The following MAGI2 variants were observed in gnomAD, a reference collection of about 807,000 sequenced individuals.
MAGI2 encodes the protein membrane-associated guanylate kinase, WW and PDZ domain-containing protein 2.
MAGI2 carries 35 observed loss-of-function variants against 133.3 expected under a neutral mutation model. The observed-to-expected ratio is 0.26, with a 90% CI of 0.20 to 0.35. The LOEUF is 0.35. MAGI2 is among the 10% of genes least tolerant of loss of function. The pLI, the probability that MAGI2 is intolerant of heterozygous loss-of-function variation, is 1.00. For missense variants in MAGI2, 1,636 were observed against 1,863.4 expected, an observed-to-expected ratio of 0.88 and a Z score of 2.25; for synonymous variants, 729 against 710.6, an observed-to-expected ratio of 1.03 and a Z score of -0.41.
At chr7:79,185,595 A>T (rs1189338529) in intron 1 of MAGI2, among the ~76,000 whole-genome samples, 1 of 150,604 alleles carries the variant, frequency 6.6e-6, no homozygotes, top group Non-Finnish European at 1.5e-5. Flanking sequence ...AAATGAATGA[A>T]TTAATCAATG....
At position 78,886,922 on chromosome 7, in the gene MAGI2, T is replaced by C. The variant is rs181894807; in HGVS notation, c.418+120168A>G. Among the ~76,000 whole-genome samples, 17 of 152,234 alleles carry C rather than the reference T, an allele frequency of 1.1e-4. No homozygotes were observed. The East Asian group carries it at 2.3e-3, about 21-fold the overall frequency. On this transcript the variant is annotated intron_variant, in intron 2 of 21. Transcript: ENST00000354212. ...TGAATCATGGGGGGAGTCCCCACCA[T>C]GGTATTCTCATGATGGTGAGTTCTC...
intron 1 of MAGI2, among the ~76,000 whole-genome samples, chr7:79,135,777 C>T (rs565123654): frequency 6.6e-6 from 1 of 151,546 alleles, no homozygotes; most frequent in Admixed American, 6.6e-5. Context: ...TCTGTCTCTA[C>T]AAAAATTTAA....
At chr7:78,492,899 A>C (rs1793751426) in intron 5 of MAGI2, among the ~76,000 whole-genome samples, 1 of 152,194 alleles carries the variant, frequency 6.6e-6, no homozygotes, top group South Asian at 2.1e-4. Flanking sequence ...GATATTTTTT[A>C]GGAACTTTGA....
At chr7:78,959,401 A>T (rs903585053) in intron 2 of MAGI2, among the ~76,000 whole-genome samples, 12 of 151,114 alleles carry the variant, frequency 7.9e-5, no homozygotes, top group East Asian at 3.9e-4. Context: ...ATAATAAATT[A>T]AAAAAAAATC....
intron 20 of MAGI2, among the ~76,000 whole-genome samples, chr7:78,114,051 T>C (rs1342760730): frequency 1.3e-5 from 2 of 152,194 alleles, no homozygotes; most frequent in African/African-American, 4.8e-5. Flanking sequence ...CAGGGTAACT[T>C]GTTCAGGTCA....
chr7:79,005,747 T>C (rs929478901), intron 2 of MAGI2, among the ~76,000 whole-genome samples: 2 of 152,174 alleles, frequency 1.3e-5, no homozygotes, highest in African/African-American at 4.8e-5. Context: ...CGTCCACCCG[T>C]TACCTTATAA....
intron 2 of MAGI2, among the ~76,000 whole-genome samples, chr7:78,806,031 G>C (rs964711444): frequency 2.6e-5 from 4 of 152,138 alleles, no homozygotes; most frequent in African/African-American, 9.7e-5. Context: ...GTTGTAAACT[G>C]TTTGTGTTAT....
intron 2 of MAGI2, among the ~76,000 whole-genome samples, chr7:78,944,106 C>T (rs1197595021): frequency 6.6e-6 from 1 of 152,160 alleles, no homozygotes; most frequent in Non-Finnish European, 1.5e-5. Context: ...CAGCATTAGC[C>T]TATAAGCCAG....
At chr7:78,835,121 G>GTTTACTCTATGTT (rs1791503108) in intron 2 of MAGI2, among the ~76,000 whole-genome samples, 1 of 152,172 alleles carries the variant, frequency 6.6e-6, no homozygotes. Flanking sequence ...AGGTCATATA[G>GTTTACTCTATGTT]TAACTCTATG....
intron 3 of MAGI2, among the ~76,000 whole-genome samples, chr7:78,547,217 T>A (rs1417626276): frequency 6.6e-6 from 1 of 152,144 alleles, no homozygotes; most frequent in Non-Finnish European, 1.5e-5. Flanking sequence ...TTGAAATAAA[T>A]GTGAACTATA....
At chr7:78,590,610 A>T (rs951127872) in intron 3 of MAGI2, among the ~76,000 whole-genome samples, 1 of 152,256 alleles carries the variant, frequency 6.6e-6, no homozygotes, top group Non-Finnish European at 1.5e-5. Context: ...GGTTTTCCTT[A>T]TAACTAAAAT....
At chr7:78,932,122 G>A (rs1800177715) in intron 2 of MAGI2, among the ~76,000 whole-genome samples, 1 of 151,806 alleles carries the variant, frequency 6.6e-6, no homozygotes, top group South Asian at 2.1e-4. Flanking sequence ...CCCCATGGAA[G>A]CACCCTCACA....
chr7:78,448,490 C>T (rs984426920), intron 6 of MAGI2, among the ~76,000 whole-genome samples: 7 of 151,540 alleles, frequency 4.6e-5, no homozygotes, highest in African/African-American at 1.7e-4. Context: ...AAATGAATTA[C>T]TCTGAGCAAG....
intron 4 of MAGI2, among the ~76,000 whole-genome samples, chr7:78,505,671 A>T (rs1278271737): frequency 6.6e-6 from 1 of 152,250 alleles, no homozygotes; most frequent in Non-Finnish European, 1.5e-5. Flanking sequence ...AGAGTGAACA[A>T]GAGATACATT....
chr7:78,599,293 G>C (rs1804938373), intron 3 of MAGI2, among the ~76,000 whole-genome samples: 1 of 151,856 alleles, frequency 6.6e-6, no homozygotes. Context: ...AATTATTTCT[G>C]TGCCTCGTAT....
At chr7:79,052,556 G>T (rs535180534) in intron 1 of MAGI2, among the ~76,000 whole-genome samples, 1 of 152,276 alleles carries the variant, frequency 6.6e-6, no homozygotes, top group Non-Finnish European at 1.5e-5. Context: ...TTTCCACACT[G>T]CATCTCATTG....
chr7:78,497,773 T>TGTCTGTCTGTCTATC (rs1794259068), intron 5 of MAGI2, among the ~76,000 whole-genome samples: 8 of 151,674 alleles, frequency 5.3e-5, no homozygotes, highest in African/African-American at 7.3e-5. Flanking sequence ...TCTTTCTATC[T>TGTCTGTCTGTCTATC]TATACACAGA....
chr7:79,259,460 C>T (rs182332157), intron 1 of MAGI2, among the ~76,000 whole-genome samples: 40 of 152,228 alleles, frequency 2.6e-4, no homozygotes, highest in African/African-American at 8.4e-4. Flanking sequence ...AGGAGGCATA[C>T]CTATTATAAT....
At chr7:78,069,423 T>G (rs1045194361) in intron 21 of MAGI2, among the ~76,000 whole-genome samples, 3 of 151,900 alleles carry the variant, frequency 2.0e-5, no homozygotes, top group Non-Finnish European at 4.4e-5. Context: ...AATGCAGGCA[T>G]CTGTGTATTT....
Sources: allele counts gnomAD v4.1 joint callset (sites outside exome capture counted in the v4.1 genomes callset), GRCh38; gene constraint gnomAD v4.1.1; transcripts MANE v1.5; gene names NCBI Gene and HGNC (gene_info 2026-07-23, HGNC 2026-07-21).